TAF4B: variants seen among roughly 807,000 people sequenced by gnomAD.
TAF4B encodes TATA-box binding protein associated factor 4b.
In TAF4B, 38 loss-of-function variants were observed where a neutral mutation model predicts 86.4. The ratio of observed to expected loss-of-function variants is 0.44; its 90% CI spans 0.34 to 0.58. The LOEUF is 0.58. Among genes scored for constraint, TAF4B ranks in the 20% least tolerant of loss-of-function variants. The pLI, the probability that TAF4B is intolerant of heterozygous loss-of-function variation, is 0.02. For synonymous variants in TAF4B, 388 were observed against 391.2 expected (o/e 0.99, Z 0.10); for missense variants, 988 against 1,027.6 (o/e 0.96, Z 0.53).
At position 26,265,053 on chromosome 18, in the gene TAF4B, C is replaced by G. The variant is rs542291031; in HGVS notation, c.344-117C>G. 39 of 968,470 alleles carry G rather than the reference C, an allele frequency of 4.0e-5. No individual in the cohort carries two copies. The Admixed American group carries it at 9.5e-4, about 23-fold the overall frequency. The allele number at this position is 968,470 out of a possible 1,614,324, so 60.0% of individuals were successfully genotyped here. A position where few individuals can be genotyped will look rare whatever the true frequency, so the allele number is the denominator to read the frequency against. Reference sequence around the variant, plus strand: ...GTATATAAGTAGCAGACATGAAATTCAGTATGTATTGAAGACATCTTTTTA... The same window carrying G: ...GTATATAAGTAGCAGACATGAAATTGAGTATGTATTGAAGACATCTTTTTA... On this transcript the variant is annotated intron_variant, in intron 1 of 14. Transcript: ENST00000269142.
At chr18:26,229,615 G>A (rs1008551493) in intron 1 of TAF4B, among the ~76,000 whole-genome samples, 4 of 150,656 alleles carry the variant, frequency 2.7e-5, no homozygotes, top group East Asian at 3.9e-4. Flanking sequence ...CAATTCTCCC[G>A]TCTCAGCCTC....
chr18:26,278,938 G>A (rs1034623407), intron 5 of TAF4B, among the ~76,000 whole-genome samples: 3 of 151,772 alleles, frequency 2.0e-5, no homozygotes, highest in African/African-American at 4.8e-5. Context: ...TATTGAATGG[G>A]CAGAAGCTCG....
chr18:26,247,528 C>G (rs2055944546), intron 1 of TAF4B, among the ~76,000 whole-genome samples: 1 of 151,984 alleles, frequency 6.6e-6, no homozygotes, highest in Non-Finnish European at 1.5e-5. Flanking sequence ...AAAAATTACA[C>G]AAAAATATTA....
chr18:26,280,769 T>C (rs764217803), intron 5 of TAF4B, among the ~76,000 whole-genome samples: 3 of 152,166 alleles, frequency 2.0e-5, no homozygotes, highest in Non-Finnish European at 4.4e-5. Flanking sequence ...AAAATAGAAC[T>C]ACCATTTGAC....
At position 26,259,432 on chromosome 18, in the gene TAF4B, C is replaced by G. The variant is rs370487411; in HGVS notation, c.344-5738C>G. On this transcript the variant is annotated intron_variant, in intron 1 of 14. Transcript: ENST00000269142. ...TATATCTCCTAATGCATCCCTCCCC[C>G]CTCCTCCCACCCCGCGACAGGCCCC... 9.2e-5 allele frequency among the ~76,000 whole-genome samples: 14 copies of G among 152,116 alleles called. No individual in the cohort carries two copies. The South Asian group carries it at 1.9e-3, about 20-fold the overall frequency.
intron 14 of TAF4B, among the ~76,000 whole-genome samples, chr18:26,389,284 T>C (rs1169245107): frequency 6.6e-6 from 1 of 152,186 alleles, no homozygotes. Flanking sequence ...ATATGAAAAG[T>C]GCTCAGCGTG....
chr18:26,244,535 G>A (rs1049652059), intron 1 of TAF4B, among the ~76,000 whole-genome samples: 6 of 152,148 alleles, frequency 3.9e-5, no homozygotes, highest in Non-Finnish European at 7.3e-5. Context: ...TGGGTGAGGC[G>A]ATGCCCCCGC....
In TAF4B at chr18:26,286,033, A is replaced by G. The variant is rs753544321; in HGVS notation, c.1124A>G (p.Gln375Arg). 10 of 1,614,224 alleles carry G rather than the reference A, an allele frequency of 6.2e-6. No individual in the cohort carries two copies. The highest frequency in any genetic ancestry group is 6.8e-6 in the Non-Finnish European group (8 of 1,180,042). ...GTGACAACTACAGTGTCCTCAAGCCAGTCTGAAAAGTCAATTATTGTTTCT... is the reference window on the plus strand; with the variant it reads ...GTGACAACTACAGTGTCCTCAAGCCGGTCTGAAAAGTCAATTATTGTTTCT... ...PVVTTTVSSS[Q>R]SEKSIIVSGA... The change falls in exon 7 of 15, where the codon CAG becomes CGG. Residue 375 changes from glutamine to arginine, a missense_variant. Transcript: ENST00000269142.
intron 14 of TAF4B, among the ~76,000 whole-genome samples, chr18:26,369,992 G>A (rs141267051): frequency 1.2e-4 from 18 of 152,178 alleles, no homozygotes; most frequent in African/African-American, 3.4e-4. Context: ...CTGGTGGTCC[G>A]TGGCATACAG....
rs571202291 is a variant in TAF4B at position 26,383,778 on chromosome 18, A to G, written c.2422-6067A>G. ...GAGTGATGAAATGGGGCAGAAGTTA[A>G]CATGCAGTGTTGTCTGTATTCTGAA... On this transcript the variant is annotated intron_variant, in intron 14 of 14. Transcript: ENST00000269142. 4.6e-5 allele frequency among the ~76,000 whole-genome samples: 7 copies of G among 152,326 alleles called. No individual in the cohort carries two copies. In the East Asian group the frequency reaches 1.3e-3, roughly 29 times the overall value.
At chr18:26,235,918 A>C (rs1170578874) in intron 1 of TAF4B, among the ~76,000 whole-genome samples, 1 of 152,194 alleles carries the variant, frequency 6.6e-6, no homozygotes, top group Non-Finnish European at 1.5e-5. Flanking sequence ...TGTTGCAGGG[A>C]CTGCTGCATT....
intron 1 of TAF4B, among the ~76,000 whole-genome samples, chr18:26,244,268 C>T (rs528717192): frequency 1.6e-4 from 24 of 152,344 alleles, no homozygotes; most frequent in African/African-American, 5.0e-4. Flanking sequence ...TTCAAGCCTC[C>T]GCAATGGCGG....
At chr18:26,290,295 A>G (rs2056576285) in intron 7 of TAF4B, among the ~76,000 whole-genome samples, 1 of 152,140 alleles carries the variant, frequency 6.6e-6, no homozygotes, top group Non-Finnish European at 1.5e-5. Flanking sequence ...GCATGCCATC[A>G]TGCCTGGCTA....
chr18:26,256,139 T>C, intron 1 of TAF4B: 1 of 1,440,102 alleles, frequency 6.9e-7, no homozygotes, highest in Non-Finnish European at 9.6e-7. Context: ...ATGATTCCAG[T>C]TTTTTTTTTG....
At chr18:26,374,111 C>T (rs145176949) in intron 14 of TAF4B, among the ~76,000 whole-genome samples, 108 of 152,270 alleles carry the variant, frequency 7.1e-4, no homozygotes, top group East Asian at 1.5e-3. Flanking sequence ...TGTTACATTC[C>T]ACTGTCCCAT....
At chr18:26,315,609 C>A (rs2056903315) in intron 10 of TAF4B, among the ~76,000 whole-genome samples, 1 of 152,020 alleles carries the variant, frequency 6.6e-6, no homozygotes, top group South Asian at 2.1e-4. Context: ...TAATATTTTA[C>A]TCATATTTCT....
intron 9 of TAF4B, among the ~76,000 whole-genome samples, chr18:26,299,461 A>G (rs939285678): frequency 1.3e-5 from 2 of 152,012 alleles, no homozygotes; most frequent in African/African-American, 2.4e-5. Context: ...GTTGATATTC[A>G]TGAGCGATTT....
At chr18:26,256,496 T>C in intron 1 of TAF4B, 1 of 611,580 alleles carries the variant, frequency 1.6e-6, no homozygotes, top group Non-Finnish European at 2.9e-6. Flanking sequence ...GTTGTTTTTC[T>C]ATTCTCTATT....
intron 3 of TAF4B, among the ~76,000 whole-genome samples, chr18:26,271,136 TAA>T (rs1191121013): frequency 6.6e-6 from 1 of 152,176 alleles, no homozygotes; most frequent in Non-Finnish European, 1.5e-5. Flanking sequence ...AGCTAGAACT[TAA>T]AAATGAGAGA....
Sources: allele counts gnomAD v4.1 joint callset (sites outside exome capture counted in the v4.1 genomes callset), GRCh38; gene constraint gnomAD v4.1.1; transcripts MANE v1.5; gene names NCBI Gene and HGNC (gene_info 2026-07-23, HGNC 2026-07-21).